The following SCARA3 variants were observed in gnomAD, a reference collection of about 807,000 sequenced individuals.
The protein encoded by SCARA3 is scavenger receptor class A member 3.
A neutral mutation model predicts 47.0 loss-of-function variants in SCARA3; 39 were observed. The ratio of observed to expected loss-of-function variants is 0.83; its 90% confidence interval spans 0.64 to 1.08. The LOEUF (loss-of-function observed/expected upper bound fraction) is 1.08. SCARA3 is among the 50% of genes least tolerant of loss of function. SCARA3 has a pLI of 0.00. For missense variants in SCARA3, 724 were observed against 792.3 expected (o/e 0.91, Z 1.04); for synonymous variants, 356 against 334.1 (o/e 1.07, Z -0.71).
intron 1 of SCARA3, among the ~76,000 whole-genome samples, chr8:27,638,467 G>A (rs1215847691): frequency 6.6e-6 from 1 of 152,100 alleles, no homozygotes; most frequent in East Asian, 1.9e-4. Flanking sequence ...ATGATCCCAT[G>A]GGATGGCATC....
At position 27,667,994 on chromosome 8, in the gene SCARA3, G is replaced by A. The variant is rs1802055673; in HGVS notation, c.1370-2906G>A. ...TGAGAAGCGGCAGCTGTGGCTTAGG[G>A]GTGGATATAGAGAGGGAGGGAACCC... is the stretch of plus-strand genomic sequence containing the variant. On this transcript the variant is annotated intron_variant, in intron 5 of 5. Transcript: ENST00000301904. Among the ~76,000 whole-genome samples the A allele has an allele frequency of 3.9e-5, 6 of 152,224 alleles. No individual in the cohort carries two copies. The South Asian group carries it at 1.2e-3, about 32-fold the overall frequency.
At chr8:27,694,469 G>T in the SCARA3 span, among the ~76,000 whole-genome samples, 1 of 151,986 alleles carries the variant, frequency 6.6e-6, no homozygotes, top group African/African-American at 2.4e-5. Context: ...TGTGGCCCAA[G>T]AAACAAGAAA....
downstream of SCARA3, among the ~76,000 whole-genome samples, chr8:27,674,354 G>A (rs994820639): frequency 6.6e-6 from 1 of 152,170 alleles, no homozygotes; most frequent in Non-Finnish European, 1.5e-5. Flanking sequence ...TGGAAACGGG[G>A]CAGGTTGTGC....
intron 1 of SCARA3, among the ~76,000 whole-genome samples, chr8:27,634,516 C>T (rs938076871): frequency 6.6e-6 from 1 of 152,174 alleles, no homozygotes; most frequent in Non-Finnish European, 1.5e-5. Flanking sequence ...AACCAGTAGA[C>T]GCAGAAAGGC....
At chr8:27,681,792 G>T in the SCARA3 span, among the ~76,000 whole-genome samples, 1 of 152,142 alleles carries the variant, frequency 6.6e-6, no homozygotes, top group African/African-American at 2.4e-5. Flanking sequence ...TTAAAAGCCA[G>T]ACTAAATGGC....
the SCARA3 span, among the ~76,000 whole-genome samples, chr8:27,709,261 A>G: frequency 6.6e-5 from 10 of 152,114 alleles, no homozygotes; most frequent in Non-Finnish European, 1.5e-4. Flanking sequence ...TGATCATGAG[A>G]ATTACCTGAG....
intron 5 of SCARA3, among the ~76,000 whole-genome samples, chr8:27,661,198 C>T (rs554337469): frequency 6.6e-6 from 1 of 152,300 alleles, no homozygotes; most frequent in Admixed American, 6.5e-5. Context: ...GTCAAGGTGA[C>T]ACATAAAATT....
At chr8:27,706,691 A>G in the SCARA3 span, among the ~76,000 whole-genome samples, 1 of 152,094 alleles carries the variant, frequency 6.6e-6, no homozygotes, top group Non-Finnish European at 1.5e-5. Flanking sequence ...GGTAAATGTG[A>G]GAGGTGTTGG....
downstream of SCARA3, among the ~76,000 whole-genome samples, chr8:27,675,296 C>A (rs748205040): frequency 4.3e-4 from 65 of 152,178 alleles, no homozygotes; most frequent in Middle Eastern, 3.2e-3. Context: ...GAGCAGAGAG[C>A]TGAAAAACAT....
At chr8:27,691,828 G>T in the SCARA3 span, among the ~76,000 whole-genome samples, 4 of 152,034 alleles carry the variant, frequency 2.6e-5, no homozygotes, top group African/African-American at 7.2e-5. Flanking sequence ...AAGCCTCCCA[G>T]ATCACTCAGG....
At chr8:27,649,128 A>G (rs35959615) in intron 1 of SCARA3, among the ~76,000 whole-genome samples, 7 of 152,236 alleles carry the variant, frequency 4.6e-5, no homozygotes, top group African/African-American at 1.7e-4. Context: ...CACCGAATCA[A>G]ACTCTGAAAG....
chr8:27,720,913 C>T, the SCARA3 span, among the ~76,000 whole-genome samples: 1 of 152,054 alleles, frequency 6.6e-6, no homozygotes, highest in Non-Finnish European at 1.5e-5. Flanking sequence ...TTCATCCATC[C>T]ACCTGATTAT....
At chr8:27,715,700 AG>A in the SCARA3 span, among the ~76,000 whole-genome samples, 41 of 152,324 alleles carry the variant, frequency 2.7e-4, no homozygotes, top group African/African-American at 9.6e-4. This position sits in a 1 kb window ranked among gnomAD's most constrained non-coding sequence, Gnocchi z 4.2. Context: ...TGATAGACAC[AG>A]GCAGACAGAA....
chr8:27,732,241 T>G, the SCARA3 span, among the ~76,000 whole-genome samples: 1 of 152,196 alleles, frequency 6.6e-6, no homozygotes, highest in South Asian at 2.1e-4. Flanking sequence ...CTTGTGTTTT[T>G]TTTTCAGCGT....
the SCARA3 span, among the ~76,000 whole-genome samples, chr8:27,719,272 C>T: frequency 6.6e-6 from 1 of 152,110 alleles, no homozygotes; most frequent in Non-Finnish European, 1.5e-5. Context: ...AGCAAACTAA[C>T]ACAGGAGCAG....
At position 27,670,946 on chromosome 8, in the gene SCARA3, C is replaced by A; in HGVS notation, c.1416C>A (p.Gly472=). The part of the protein sequence containing the change: ...PGPRGFKGDM[G]VKGPVGGRGP... ...CAAGAGGATTCAAAGGAGATATGGG[C>A]GTGAAAGGGCCTGTTGGCGGCAGAG... Residue 472 remains glycine, a synonymous_variant, in exon 6 of 6, where the codon GGC becomes GGA. Transcript: ENST00000301904. 1 of 1,587,480 alleles carries A rather than the reference C, an allele frequency of 6.3e-7. No individual in the cohort carries two copies. Among genetic ancestry groups the A allele is most frequent in the Non-Finnish European group, 8.5e-7 (1 of 1,171,290 alleles).
downstream of SCARA3, chr8:27,673,112 AG>A: frequency 5.4e-6 from 3 of 550,818 alleles, no homozygotes; most frequent in Non-Finnish European, 6.9e-6. Context: ...ACCAGTGACG[AG>A]GGTCCCCCAA....
chr8:27,669,382 G>A (rs916176465), intron 5 of SCARA3, among the ~76,000 whole-genome samples: 1 of 152,262 alleles, frequency 6.6e-6, no homozygotes, highest in Non-Finnish European at 1.5e-5. Flanking sequence ...CAGAGGTAGG[G>A]TGAAGACAGA....
At chr8:27,670,826 G>A (rs945916696) in intron 5 of SCARA3, 74 bp from the exon 6 acceptor site, 43 of 1,297,302 alleles carry the variant, frequency 3.3e-5, no homozygotes, top group African/African-American at 4.5e-5. Flanking sequence ...CGCCGTGCCC[G>A]CTCTGCTCAT....
Sources: gnomAD v4.1 joint callset for allele counts (sites outside exome capture counted in the v4.1 genomes callset) on GRCh38, gnomAD v4.1.1 for gene constraint, Gnocchi (gnomAD v3.1) non-coding constraint, MANE v1.5 for transcripts, NCBI Gene and HGNC (gene_info 2026-07-23, HGNC 2026-07-21) for gene names.